The following NFATC2 variants were observed in gnomAD, a reference collection of about 807,000 sequenced individuals.
NFATC2 encodes nuclear factor of activated T cells 2.
A neutral mutation model predicts 87.3 loss-of-function variants in NFATC2; 22 were observed. The observed-to-expected ratio is 0.25, with a 90% CI of 0.18 to 0.36. NFATC2 has a LOEUF of 0.36. NFATC2 is among the 10% of genes least tolerant of loss of function. The pLI is 1.00. For missense variants in NFATC2, 1,149 were observed against 1,259.1 expected, an observed-to-expected ratio of 0.91 and a Z score of 1.32; for synonymous variants, 565 against 542.2, an observed-to-expected ratio of 1.04 and a Z score of -0.58.
chr20:51,458,593 T>G (rs1986816056), intron 5 of NFATC2, among the ~76,000 whole-genome samples: 1 of 146,956 alleles, frequency 6.8e-6, no homozygotes, highest in Admixed American at 6.9e-5. Context: ...GGTCAGGAAA[T>G]CAAGATCATC....
intron 1 of NFATC2, among the ~76,000 whole-genome samples, chr20:51,561,566 C>A (rs1358824811): frequency 2.1e-5 from 3 of 141,534 alleles, no homozygotes; most frequent in Non-Finnish European, 3.1e-5. Flanking sequence ...ATTGTCATTT[C>A]TTCCCCCCCC....
intron 6 of NFATC2, among the ~76,000 whole-genome samples, chr20:51,444,966 G>A (rs2011162136): frequency 6.6e-6 from 1 of 151,996 alleles, no homozygotes; most frequent in East Asian, 1.9e-4. Context: ...CTTCCTTGGT[G>A]GGCTTGCCCC....
chr20:51,438,068 G>T (rs868448756), intron 6 of NFATC2, among the ~76,000 whole-genome samples: 1 of 152,224 alleles, frequency 6.6e-6, no homozygotes, highest in Non-Finnish European at 1.5e-5. Flanking sequence ...AATTGGAAGT[G>T]AAGTCATCAA....
rs1985949872 is a variant in NFATC2 at position 51,388,042 on chromosome 20, A to G, written c.*3454T>C. On this transcript the variant is annotated 3_prime_UTR_variant, in exon 11 of 11. Transcript: ENST00000371564. ...ATATCCGTGCCTCCCAGTTCTTTGAAGGAATCAATTCATCCTTGGTTATAT... is the reference window on the plus strand; with the variant it reads ...ATATCCGTGCCTCCCAGTTCTTTGAGGGAATCAATTCATCCTTGGTTATAT... 1 of 152,072 alleles carries G rather than the reference A, an allele frequency of 6.6e-6. No individual in the cohort carries two copies. The highest frequency in any genetic ancestry group is 1.5e-5 in the Non-Finnish European group (1 of 68,024). 9.4% of individuals were successfully genotyped at this position (152,072 alleles called of 1,614,324 possible).
chr20:51,511,814 T>C (rs1398988580), intron 3 of NFATC2, among the ~76,000 whole-genome samples: 1 of 152,198 alleles, frequency 6.6e-6, no homozygotes, highest in Non-Finnish European at 1.5e-5. Flanking sequence ...GAAACCTGAG[T>C]GATCTATAAA....
intron 5 of NFATC2, among the ~76,000 whole-genome samples, chr20:51,460,678 G>C (rs1987054891): frequency 6.7e-6 from 1 of 149,820 alleles, no homozygotes; most frequent in African/African-American, 2.5e-5. Flanking sequence ...TTGCCATGTT[G>C]CCTAGGCTGA....
At chr20:51,461,416 T>C (rs1013063525) in intron 5 of NFATC2, among the ~76,000 whole-genome samples, 1 of 152,260 alleles carries the variant, frequency 6.6e-6, no homozygotes, top group African/African-American at 2.4e-5. Flanking sequence ...TCTTGACCTC[T>C]GCTCCAGCTT....
intron 3 of NFATC2, among the ~76,000 whole-genome samples, chr20:51,493,834 G>T (rs1011001949): frequency 6.6e-6 from 1 of 152,138 alleles, no homozygotes; most frequent in African/African-American, 2.4e-5. Context: ...TTAGCAAAGA[G>T]CCAGCCCGGA....
chr20:51,523,081 C>G lies in NFATC2; in HGVS notation c.1160G>C (p.Ser387Thr). 1 of 1,614,212 alleles carries G rather than the reference C, an allele frequency of 6.2e-7. No individual in the cohort carries two copies. ...CAATCATTTTCAAAGCCCTGCTCAC[C>G]TGCAGATGGGAATGGCAGGCACCAG... The part of the protein sequence containing the change: ...KPLVPAIPIC[S>T]IPVTASLPPL... Residue 387 changes from serine to threonine, a missense_variant and splice_region_variant, in exon 2 of 11, where the codon AGC becomes ACC. Physicochemically the swap from Ser to Thr is moderately conservative, Grantham distance 58. This residue lies in a region of NFATC2 where 563 missense variants were observed against 585.2 expected (regional missense o/e 0.96). Transcript: ENST00000371564. The surrounding 1 kb of genome is among the most constrained non-coding windows in gnomAD (Gnocchi z 6.9).
At chr20:51,459,039 G>A (rs755886444) in intron 5 of NFATC2, among the ~76,000 whole-genome samples, 4 of 152,142 alleles carry the variant, frequency 2.6e-5, no homozygotes, top group Non-Finnish European at 4.4e-5. Flanking sequence ...TGCCTCCTCT[G>A]TAAGGTCACA....
intron 8 of NFATC2, among the ~76,000 whole-genome samples, chr20:51,433,682 T>C (rs985935187): frequency 2.0e-5 from 3 of 152,090 alleles, no homozygotes; most frequent in Non-Finnish European, 2.9e-5. Flanking sequence ...TTCTTTTTAC[T>C]GGAGTGAGTC....
chr20:51,460,001 A>G (rs1986977221), intron 5 of NFATC2, among the ~76,000 whole-genome samples: 1 of 152,242 alleles, frequency 6.6e-6, no homozygotes, highest in Non-Finnish European at 1.5e-5. Flanking sequence ...AATAGCTAAA[A>G]TGGTAAATTT....
chr20:51,491,284 T>A (rs1420056264), intron 3 of NFATC2, among the ~76,000 whole-genome samples: 15 of 143,372 alleles, frequency 1.0e-4, no homozygotes, highest in Admixed American at 2.1e-4. Flanking sequence ...TGGACAAGGT[T>A]AAAAAAAAAA....
intron 9 of NFATC2, among the ~76,000 whole-genome samples, chr20:51,411,585 T>C (rs1979267094): frequency 6.9e-6 from 1 of 144,380 alleles, no homozygotes; most frequent in African/African-American, 2.6e-5. Flanking sequence ...TCGTGTGCAG[T>C]AGCACAGTCT....
chr20:51,541,662 G>A (rs1456042120), intron 1 of NFATC2, among the ~76,000 whole-genome samples: 6 of 152,204 alleles, frequency 3.9e-5, no homozygotes, highest in Non-Finnish European at 8.8e-5. Context: ...TTAGGACTAA[G>A]CGTAGAAGAT....
intron 3 of NFATC2, among the ~76,000 whole-genome samples, chr20:51,475,923 G>C (rs1228018409): frequency 1.3e-5 from 2 of 152,164 alleles, no homozygotes; most frequent in East Asian, 3.8e-4. Flanking sequence ...TGGAGAAACA[G>C]CCAGAAACTG....
chr20:51,481,312 C>T (rs977063140), intron 3 of NFATC2, among the ~76,000 whole-genome samples: 5 of 151,834 alleles, frequency 3.3e-5, no homozygotes, highest in African/African-American at 4.8e-5. Flanking sequence ...TCCCCATTTT[C>T]GGGAGACCTC....
chr20:51,484,579 C>A (rs1314376071), intron 3 of NFATC2, among the ~76,000 whole-genome samples: 1 of 152,194 alleles, frequency 6.6e-6, no homozygotes, highest in Non-Finnish European at 1.5e-5. Context: ...ATGGGAGGGG[C>A]CGGAGCAGCT....
rs1387498968 is a variant in NFATC2, at chr20:51,412,997, C to A, written c.2723-14267G>T. On this transcript the variant is annotated intron_variant, in intron 9 of 10. Coordinates refer to ENST00000371564, the MANE Select transcript of NFATC2 (RefSeq NM_012340.5). Reference sequence around the variant, plus strand: ...GCCCCCCCATCCCCCGCTCCCGCCGCCCCCCCCCCTCCCCGCCAAACACAT... The same window carrying A: ...GCCCCCCCATCCCCCGCTCCCGCCGACCCCCCCCCTCCCCGCCAAACACAT... Among the ~76,000 whole-genome samples the A allele has an allele frequency of 1.2e-3, 6 of 5,136 alleles. No individual in the cohort carries two copies. The East Asian group carries it at 0.022, about 19-fold the overall frequency. The allele number at this position is 5,136 out of a possible 152,430, so 3.4% of individuals were successfully genotyped here.
Sources: gnomAD v4.1 joint callset for allele counts (sites outside exome capture counted in the v4.1 genomes callset) on GRCh38, gnomAD v4.1.1 for gene constraint, gnomAD v4.1.1 regional missense constraint, Gnocchi (gnomAD v3.1) non-coding constraint, MANE v1.5 for transcripts, NCBI Gene and HGNC (gene_info 2026-07-23, HGNC 2026-07-21) for gene names.